The following NEMP2 variants were observed in gnomAD, a reference collection of about 807,000 sequenced individuals.
NEMP2 encodes the protein UPF0571 transmembrane protein.
A neutral mutation model predicts 54.2 loss-of-function variants in NEMP2; 53 were observed. The ratio of observed to expected loss-of-function variants is 0.98; its 90% CI spans 0.78 to 1.23. The LOEUF (loss-of-function observed/expected upper bound fraction) is 1.23. Among genes scored for constraint, NEMP2 ranks in the 50% most tolerant of loss-of-function variants. NEMP2 has a pLI of 0.00. For missense variants in NEMP2, 455 were observed against 511.3 expected (o/e 0.89, Z 1.06); for synonymous variants, 197 against 190.3 (o/e 1.04, Z -0.29).
Position 190,510,522 on chromosome 2 carries a change from C to A in NEMP2, c.969G>T (p.Trp323Cys), listed in dbSNP as rs937780209. 1 of 1,551,986 alleles carries A rather than the reference C, an allele frequency of 6.4e-7. No individual in the cohort carries two copies. The highest frequency in any genetic ancestry group is 8.7e-7 in the Non-Finnish European group (1 of 1,147,048). The change falls in exon 8 of 9, where the codon TGG becomes TGT. Residue 323 changes from tryptophan (W) to cysteine (C), a missense_variant. Trp to Cys is a radical substitution (Grantham distance 215). Around this residue, in one of 3 missense-constraint regions of NEMP2, gnomAD observed 294 missense variants for 333.6 expected, o/e 0.88. Transcript: ENST00000409150. This position sits in a 1 kb window ranked among gnomAD's most constrained non-coding sequence, Gnocchi z 5.7. ...CSYMRWKMEQWFTSKELVVKY... is the reference protein window; with the variant it reads ...CSYMRWKMEQCFTSKELVVKY... ...TCACCACCAGCTCTTTTGATGTAAA[C>A]CACTGCTCCATTTTCCTAAAACATG...
chr2:190,431,369 G>T, the NEMP2 span, among the ~76,000 whole-genome samples: 3 of 152,234 alleles, frequency 2.0e-5, no homozygotes, highest in African/African-American at 4.8e-5. The surrounding 1 kb of genome is among the most constrained non-coding windows in gnomAD (Gnocchi z 4.4). Flanking sequence ...GGAGGTGGAG[G>T]TTGTAGCGAG....
chr2:190,458,856 T>C, the NEMP2 span, among the ~76,000 whole-genome samples: 1 of 152,198 alleles, frequency 6.6e-6, no homozygotes, highest in African/African-American at 2.4e-5. This position sits in a 1 kb window ranked among gnomAD's most constrained non-coding sequence, Gnocchi z 5.3. Flanking sequence ...ATTAGCTCTG[T>C]CTCCTTTTGG....
chr2:190,502,443 G>A (rs1574280482), downstream of NEMP2: 3 of 152,204 alleles, frequency 2.0e-5, no homozygotes, highest in Admixed American at 2.0e-4. The surrounding 1 kb of genome is among the most constrained non-coding windows in gnomAD (Gnocchi z 4.4). Context: ...TGTAGAAACA[G>A]TAAATTACCG....
At chr2:190,627,294 T>C in the NEMP2 span, among the ~76,000 whole-genome samples, 1 of 152,272 alleles carries the variant, frequency 6.6e-6, no homozygotes, top group African/African-American at 2.4e-5. The surrounding 1 kb of genome is among the most constrained non-coding windows in gnomAD (Gnocchi z 4.4). Flanking sequence ...GCACTCCAGT[T>C]GGAGTTCTAT....
chr2:190,454,874 G>T, the NEMP2 span, among the ~76,000 whole-genome samples: 1 of 152,016 alleles, frequency 6.6e-6, no homozygotes, highest in East Asian at 1.9e-4. This position sits in a 1 kb window ranked among gnomAD's most constrained non-coding sequence, Gnocchi z 4.6. Flanking sequence ...GATGGTAGGA[G>T]TGAGTCCGGC....
At chr2:190,491,140 A>T in the NEMP2 span, among the ~76,000 whole-genome samples, 12 of 152,258 alleles carry the variant, frequency 7.9e-5, no homozygotes, top group Non-Finnish European at 1.5e-4. The surrounding 1 kb of genome is among the most constrained non-coding windows in gnomAD (Gnocchi z 4.2). Flanking sequence ...CATTCAATGT[A>T]AGAAACATAA....
upstream of NEMP2, among the ~76,000 whole-genome samples, chr2:190,539,413 G>T (rs966564089): frequency 2.6e-5 from 4 of 152,074 alleles, no homozygotes; most frequent in Admixed American, 6.6e-5. The surrounding 1 kb of genome is among the most constrained non-coding windows in gnomAD (Gnocchi z 4.1). Context: ...TTTCGCCCAG[G>T]ATTGCTCTGG....
chr2:190,589,209 G>A, the NEMP2 span, among the ~76,000 whole-genome samples: 1 of 152,142 alleles, frequency 6.6e-6, no homozygotes, highest in Admixed American at 6.6e-5. The surrounding 1 kb of genome is among the most constrained non-coding windows in gnomAD (Gnocchi z 4.3). Flanking sequence ...TCTACCCAGA[G>A]ATTCCCCCTT....
At position 190,518,747 on chromosome 2, in the gene NEMP2, C is replaced by T. The variant is rs200187690; in HGVS notation, c.507G>A (p.Arg169=). ...VAGVFLFFYA[R]TLSQSPTFYY... ...AAAGGAATACTTACTGACTCAGGGT[C>T]CTTGCATAAAAGAAAAGAAAAACTC... Residue 169 remains arginine (R), a synonymous_variant, in exon 4 of 9, where the codon AGG becomes AGA. Transcript: ENST00000409150. 2.6e-6 allele frequency: 4 copies of T among 1,542,828 alleles called. No individual in the cohort carries two copies. Among genetic ancestry groups the T allele is most frequent in the South Asian group, 2.5e-5 (2 of 81,138 alleles).
At chr2:190,557,487 C>T in the NEMP2 span, among the ~76,000 whole-genome samples, 2 of 152,248 alleles carry the variant, frequency 1.3e-5, no homozygotes, top group South Asian at 4.1e-4. Context: ...ATTAATTAAA[C>T]TAAAGAGCTT....
chr2:190,436,650 T>G, the NEMP2 span: 1 of 1,614,210 alleles, frequency 6.2e-7, no homozygotes. This position sits in a 1 kb window ranked among gnomAD's most constrained non-coding sequence, Gnocchi z 5.3. Flanking sequence ...CAAGGCTCAA[T>G]GTCTCAGACA....
At chr2:190,483,252 T>A in the NEMP2 span, among the ~76,000 whole-genome samples, 3 of 152,240 alleles carry the variant, frequency 2.0e-5, no homozygotes, top group South Asian at 6.2e-4. Flanking sequence ...ACAAAATCTC[T>A]CAAAGTAGAT....
chr2:190,423,888 A>G, the NEMP2 span, among the ~76,000 whole-genome samples: 1 of 152,214 alleles, frequency 6.6e-6, no homozygotes, highest in Non-Finnish European at 1.5e-5. This position sits in a 1 kb window ranked among gnomAD's most constrained non-coding sequence, Gnocchi z 4.3. Context: ...CTAATCATTA[A>G]TGATGTTGAA....
At chr2:190,482,064 G>C in the NEMP2 span, among the ~76,000 whole-genome samples, 2 of 146,310 alleles carry the variant, frequency 1.4e-5, no homozygotes, top group Non-Finnish European at 3.0e-5. Flanking sequence ...ATGATAGGAG[G>C]AAAGGATAGC....
the NEMP2 span, chr2:190,436,260 C>G: frequency 6.2e-7 from 1 of 1,613,664 alleles, no homozygotes; most frequent in Non-Finnish European, 8.5e-7. This position sits in a 1 kb window ranked among gnomAD's most constrained non-coding sequence, Gnocchi z 5.3. Context: ...TTTATTTTTT[C>G]TTTTACTCTG....
chr2:190,544,330 A>G, the NEMP2 span, among the ~76,000 whole-genome samples: 1 of 152,206 alleles, frequency 6.6e-6, no homozygotes, highest in Non-Finnish European at 1.5e-5. Context: ...AGGTTATTTC[A>G]ATAAAAATAA....
At chr2:190,647,645 T>C in the NEMP2 span, among the ~76,000 whole-genome samples, 6,311 of 152,096 alleles carry the variant, frequency 0.041, 182 homozygotes, top group Non-Finnish European at 0.068. Flanking sequence ...AATTGAAATA[T>C]AGATTTAAAA....
At chr2:190,488,793 C>T in the NEMP2 span, 12 of 1,591,222 alleles carry the variant, frequency 7.5e-6, no homozygotes, top group African/African-American at 1.4e-5. The surrounding 1 kb of genome is among the most constrained non-coding windows in gnomAD (Gnocchi z 6.4). Context: ...GTGCCATGAT[C>T]GGAGGCGTGT....
chr2:190,515,116 T>C (rs886394493), intron 6 of NEMP2, among the ~76,000 whole-genome samples: 2 of 152,180 alleles, frequency 1.3e-5, no homozygotes, highest in East Asian at 1.9e-4. Flanking sequence ...ATCATTACGA[T>C]GGTGAGACTA....
Sources: allele counts gnomAD v4.1 joint callset (sites outside exome capture counted in the v4.1 genomes callset), GRCh38; gene constraint gnomAD v4.1.1; regional missense constraint gnomAD v4.1.1; non-coding constraint Gnocchi (gnomAD v3.1); transcripts MANE v1.5; gene names NCBI Gene and HGNC (gene_info 2026-07-23, HGNC 2026-07-21).